Variants in DLG2 observed in about 807,000 individuals in gnomAD.
DLG2 encodes discs large MAGUK scaffold protein 2.
In DLG2, 45 loss-of-function variants were observed where a neutral mutation model predicts 132.5. The ratio of observed to expected loss-of-function variants is 0.34; its 90% CI spans 0.27 to 0.44. The LOEUF is 0.44. DLG2 is among the 20% of genes least tolerant of loss of function. The pLI is 1.00. For missense variants in DLG2, 1,045 were observed against 1,196.9 expected (o/e 0.87, Z 1.87); for synonymous variants, 424 against 419.6 (o/e 1.01, Z -0.13).
rs991624462 is a variant in DLG2 at position 84,312,207 on chromosome 11, C to G, written c.520-60916G>C. On this transcript the variant is annotated intron_variant, in intron 7 of 27. Coordinates refer to ENST00000376104, the MANE Select transcript of DLG2 (RefSeq NM_001142699.3). The stretch of plus-strand genomic sequence containing the variant: ...AAAATCTTGGCTGGGCGCAGTGGCT[C>G]ACACTTGTAATCCCAACACTTTGGG... Among the ~76,000 whole-genome samples, 3 of 152,298 alleles carry G rather than the reference C, an allele frequency of 2.0e-5. No homozygotes were observed. The East Asian group carries it at 5.8e-4, about 29-fold the overall frequency.
chr11:83,481,481 T>C (rs1258898380), intron 22 of DLG2, among the ~76,000 whole-genome samples: 4 of 152,102 alleles, frequency 2.6e-5, no homozygotes, highest in Non-Finnish European at 5.9e-5. Flanking sequence ...AGAAAAATAA[T>C]ATATAAAATT....
At chr11:85,381,879 T>C (rs1012071853) in intron 3 of DLG2, among the ~76,000 whole-genome samples, 1 of 152,054 alleles carries the variant, frequency 6.6e-6, no homozygotes, top group African/African-American at 2.4e-5. Flanking sequence ...ATTCATGAAT[T>C]AGAACGCAAT....
intron 7 of DLG2, among the ~76,000 whole-genome samples, chr11:84,457,242 A>G (rs138268439): frequency 4.6e-4 from 70 of 151,278 alleles, no homozygotes; most frequent in African/African-American, 1.5e-3. Flanking sequence ...CTATCTCCAT[A>G]TGCAAGGAAT....
At chr11:85,338,119 G>A (rs980807651) in intron 3 of DLG2, among the ~76,000 whole-genome samples, 2 of 152,018 alleles carry the variant, frequency 1.3e-5, no homozygotes, top group African/African-American at 4.8e-5. Flanking sequence ...TAAAAGAGAG[G>A]CAATATTTAA....
intron 7 of DLG2, among the ~76,000 whole-genome samples, chr11:84,533,350 G>T (rs1041660754): frequency 1.3e-5 from 2 of 152,124 alleles, no homozygotes; most frequent in Non-Finnish European, 2.9e-5. Context: ...TCTTCTCCAG[G>T]TTAAACATAC....
chr11:84,110,788 C>G (rs944495074), intron 9 of DLG2, among the ~76,000 whole-genome samples: 1 of 152,166 alleles, frequency 6.6e-6, no homozygotes, highest in Non-Finnish European at 1.5e-5. Flanking sequence ...AATTATGCTC[C>G]CTGTAGTTGG....
intron 3 of DLG2, among the ~76,000 whole-genome samples, chr11:85,289,354 C>T (rs1357540091): frequency 6.6e-6 from 1 of 152,112 alleles, no homozygotes; most frequent in African/African-American, 2.4e-5. Flanking sequence ...CTTCTCTAGG[C>T]CCAGATCCCC....
rs1283768268 is a variant in DLG2, at chr11:85,335,278, T to G, written c.41-49913A>C. 5.3e-5 allele frequency among the ~76,000 whole-genome samples: 8 copies of G among 152,336 alleles called. No individual in the cohort carries two copies. The East Asian group carries it at 1.4e-3, about 26-fold the overall frequency. On this transcript the variant is annotated intron_variant, in intron 3 of 27. Coordinates refer to ENST00000376104, the MANE Select transcript of DLG2 (RefSeq NM_001142699.3). ...GTTTTCTGTTTGTTTAATAAATCTTTTTCCATCCTTTTACTTTGAGCTATG... is the reference window on the plus strand; with the variant it reads ...GTTTTCTGTTTGTTTAATAAATCTTGTTCCATCCTTTTACTTTGAGCTATG...
chr11:84,142,221 G>A (rs1180881391), intron 9 of DLG2, among the ~76,000 whole-genome samples: 4 of 149,532 alleles, frequency 2.7e-5, no homozygotes, highest in African/African-American at 9.8e-5. Context: ...AGAATCGTTT[G>A]AACACAGGAG....
chr11:84,809,447 A>T (rs925721068), intron 6 of DLG2, among the ~76,000 whole-genome samples: 1 of 119,628 alleles, frequency 8.4e-6, no homozygotes, highest in Non-Finnish European at 1.8e-5. Flanking sequence ...AAAAAAAATA[A>T]AAGTCATAAG....
intron 6 of DLG2, among the ~76,000 whole-genome samples, chr11:84,592,706 C>T (rs1408932375): frequency 6.6e-6 from 1 of 151,432 alleles, no homozygotes; most frequent in Non-Finnish European, 1.5e-5. Flanking sequence ...GGCCGACAAA[C>T]ATGAAAAAAA....
intron 19 of DLG2, among the ~76,000 whole-genome samples, chr11:83,596,477 T>C (rs2153353525): frequency 6.6e-6 from 1 of 152,316 alleles, no homozygotes; most frequent in South Asian, 2.1e-4. Context: ...CAGGTCCTTC[T>C]TTATCCTTGC....
chr11:84,620,405 T>C (rs888141807), intron 6 of DLG2, among the ~76,000 whole-genome samples: 1 of 151,824 alleles, frequency 6.6e-6, no homozygotes, highest in Non-Finnish European at 1.5e-5. Flanking sequence ...AGAAAATGTG[T>C]CAACTATAAA....
intron 19 of DLG2, among the ~76,000 whole-genome samples, chr11:83,565,353 T>C (rs757147333): frequency 2.6e-5 from 4 of 152,172 alleles, no homozygotes; most frequent in Admixed American, 1.3e-4. Flanking sequence ...TTTAGAGTTA[T>C]GTAAAACACT....
intron 21 of DLG2, among the ~76,000 whole-genome samples, chr11:83,503,636 C>T (rs978821621): frequency 3.3e-5 from 5 of 151,538 alleles, no homozygotes; most frequent in Non-Finnish European, 7.4e-5. Flanking sequence ...GAGGCTAGAC[C>T]AGTCTAGTCT....
chr11:84,414,259 AT>A (rs1238096705), intron 7 of DLG2, among the ~76,000 whole-genome samples: 1 of 152,204 alleles, frequency 6.6e-6, no homozygotes, highest in African/African-American at 2.4e-5. Context: ...TACTGTTATC[AT>A]TTTATTATAA....
At chr11:84,140,619 A>G (rs1275632612) in intron 9 of DLG2, among the ~76,000 whole-genome samples, 1 of 152,130 alleles carries the variant, frequency 6.6e-6, no homozygotes. Context: ...GGAGCTTTGA[A>G]TAAGTTAGGC....
chr11:84,458,177 G>T lies in DLG2; in HGVS notation c.519+76393C>A, dbSNP rs548196760. Among the ~76,000 whole-genome samples the T allele has an allele frequency of 2.0e-5, 3 of 150,834 alleles. No individual in the cohort carries two copies. The South Asian group carries it at 6.2e-4, about 31-fold the overall frequency. ...TGCTTCAGAGCTATGATTTCCTGTG[G>T]CTGAATAATATTCCATCTCATGAAT... is the stretch of plus-strand genomic sequence containing the variant. On this transcript the variant is annotated intron_variant, in intron 7 of 27. Transcript: ENST00000376104.
rs1036965796 is a variant in DLG2, at chr11:83,616,251, G to A, written c.1940+16960C>T. On this transcript the variant is annotated intron_variant, in intron 19 of 27. Coordinates refer to ENST00000376104, the MANE Select transcript of DLG2 (RefSeq NM_001142699.3). ...GAACACATGTACTCATTACTATTGGGTATATACCTAGGGATAGATCATAGG... is the reference window on the plus strand; with the variant it reads ...GAACACATGTACTCATTACTATTGGATATATACCTAGGGATAGATCATAGG... Among the ~76,000 whole-genome samples, 4 of 152,096 alleles carry A rather than the reference G, an allele frequency of 2.6e-5. No individual in the cohort carries two copies. The East Asian group carries it at 7.7e-4, about 29-fold the overall frequency.
Sources: gnomAD v4.1 joint callset for allele counts (sites outside exome capture counted in the v4.1 genomes callset) on GRCh38, gnomAD v4.1.1 for gene constraint, MANE v1.5 for transcripts, NCBI Gene and HGNC (gene_info 2026-07-23, HGNC 2026-07-21) for gene names.